The following PCDH15 variants were observed in gnomAD, a reference collection of about 807,000 sequenced individuals.
PCDH15 encodes protocadherin related 15.
A neutral mutation model predicts 178.5 loss-of-function variants in PCDH15; 129 were observed. That is an observed-to-expected ratio of 0.72 (90% CI 0.63 to 0.84). The LOEUF is 0.84. Among genes scored for constraint, PCDH15 ranks in the 40% least tolerant of loss-of-function variants. The pLI is 0.00. For missense variants in PCDH15, 2,230 were observed against 2,099.9 expected, an observed-to-expected ratio of 1.06 and a Z score of -1.21; for synonymous variants, 800 against 732.0, an observed-to-expected ratio of 1.09 and a Z score of -1.50.
intron 2 of PCDH15, among the ~76,000 whole-genome samples, chr10:54,627,462 T>G (rs2134601506): frequency 6.6e-6 from 1 of 152,240 alleles, no homozygotes; most frequent in Non-Finnish European, 1.5e-5. Context: ...AAAATGGAAG[T>G]TTGCCTGCAC....
At chr10:54,924,977 T>C (rs541955174) in intron 2 of PCDH15, among the ~76,000 whole-genome samples, 15 of 152,320 alleles carry the variant, frequency 9.8e-5, no homozygotes, top group Middle Eastern at 3.4e-3. Context: ...TTTTTGCTTT[T>C]GTTGCAATTT....
rs71004486 is a variant in PCDH15 at position 53,878,181 on chromosome 10, G to GCACACACACACA, written c.3502-11336_3502-11325dup. Among the ~76,000 whole-genome samples, 480 of 124,906 alleles carry GCACACACACACA rather than the reference G, an allele frequency of 3.8e-3. 5 individuals are homozygous for GCACACACACACA. The highest frequency in any genetic ancestry group is 0.012 in the South Asian group (46 of 3,868). 81.9% of individuals were successfully genotyped at this position (124,906 alleles called of 152,430 possible). On this transcript the variant is annotated intron_variant, in intron 26 of 37. Transcript: ENST00000644397. ...ATGTTCACTTCTTGGCTATACTATG[G>GCACACACACACA]CACACACACACACACACACACACAC...
intron 2 of PCDH15, among the ~76,000 whole-genome samples, chr10:55,594,736 G>C (rs995156107): frequency 6.6e-6 from 1 of 152,066 alleles, no homozygotes; most frequent in East Asian, 1.9e-4. Flanking sequence ...TTTCATACTC[G>C]ATGTTGAAAT....
At chr10:54,959,777 T>A (rs189507993) in intron 2 of PCDH15, among the ~76,000 whole-genome samples, 1 of 152,086 alleles carries the variant, frequency 6.6e-6, no homozygotes, top group South Asian at 2.1e-4. Context: ...TAAAAATTAT[T>A]CTGTAGGAAA....
chr10:55,030,797 G>A (rs1022420982), intron 2 of PCDH15, among the ~76,000 whole-genome samples: 13 of 151,972 alleles, frequency 8.6e-5, no homozygotes, highest in African/African-American at 3.1e-4. Flanking sequence ...TCAAATGAAT[G>A]GATCAGAATA....
At chr10:55,363,125 A>G (rs756108152) in intron 2 of PCDH15, among the ~76,000 whole-genome samples, 6 of 152,202 alleles carry the variant, frequency 3.9e-5, no homozygotes, top group Non-Finnish European at 5.9e-5. Context: ...CATTTGAGAT[A>G]GACTTCGTTT....
At chr10:55,043,119 TTTTG>T (rs913677413) in intron 2 of PCDH15, among the ~76,000 whole-genome samples, 9 of 152,190 alleles carry the variant, frequency 5.9e-5, no homozygotes, top group East Asian at 1.9e-4. Flanking sequence ...TTTGTTTTCT[TTTTG>T]TTTGTTTGTT....
chr10:54,911,478 G>A (rs530347853), intron 2 of PCDH15, among the ~76,000 whole-genome samples: 1 of 152,262 alleles, frequency 6.6e-6, no homozygotes, highest in African/African-American at 2.4e-5. Context: ...TATATGATGG[G>A]TATAAAATAC....
chr10:54,811,334 G>A (rs1380166459), intron 3 of PCDH15, among the ~76,000 whole-genome samples: 1 of 152,200 alleles, frequency 6.6e-6, no homozygotes. Context: ...TGCGGTGTTT[G>A]ATATAGTTAA....
intron 2 of PCDH15, among the ~76,000 whole-genome samples, chr10:54,530,473 T>C (rs1458575485): frequency 6.6e-6 from 1 of 152,198 alleles, no homozygotes; most frequent in African/African-American, 2.4e-5. Flanking sequence ...CTTCAGACCA[T>C]GCCTGCATCA....
chr10:54,555,307 C>T (rs2087071612), intron 2 of PCDH15, among the ~76,000 whole-genome samples: 1 of 152,104 alleles, frequency 6.6e-6, no homozygotes, highest in Admixed American at 6.6e-5. Flanking sequence ...AGCTTTTGCC[C>T]TCAGATCTTT....
chr10:54,387,559 C>CCAAA (rs1228617952), intron 3 of PCDH15, among the ~76,000 whole-genome samples: 15 of 152,174 alleles, frequency 9.9e-5, no homozygotes, highest in African/African-American at 3.6e-4. Flanking sequence ...GTGTACTCTT[C>CCAAA]TGATCTGAAA....
chr10:54,364,170 C>A (rs929780501), intron 5 of PCDH15, among the ~76,000 whole-genome samples: 3 of 150,602 alleles, frequency 2.0e-5, no homozygotes, highest in Non-Finnish European at 4.4e-5. Context: ...CAAGATCGTG[C>A]CATTGCACTC....
intron 2 of PCDH15, among the ~76,000 whole-genome samples, chr10:55,454,560 G>A (rs1282739349): frequency 1.3e-5 from 2 of 151,234 alleles, no homozygotes; most frequent in East Asian, 2.0e-4. Flanking sequence ...GGCGGATCAT[G>A]AGATCAGGAG....
intron 2 of PCDH15, among the ~76,000 whole-genome samples, chr10:55,390,293 CT>C (rs369749514): frequency 2.0e-5 from 3 of 152,098 alleles, no homozygotes; most frequent in African/African-American, 7.2e-5. Context: ...GAATCCTAAT[CT>C]TTTTTGCTTG....
chr10:54,305,260 A>C (rs2060393940), intron 8 of PCDH15, among the ~76,000 whole-genome samples: 1 of 152,098 alleles, frequency 6.6e-6, no homozygotes, highest in African/African-American at 2.4e-5. Context: ...TGTAACATAA[A>C]TTTAGTTTTG....
intron 2 of PCDH15, among the ~76,000 whole-genome samples, chr10:54,618,893 T>C (rs2093269766): frequency 6.6e-6 from 1 of 151,782 alleles, no homozygotes; most frequent in Non-Finnish European, 1.5e-5. Context: ...TTATTCCATA[T>C]GGAAAAAAAA....
At position 54,977,225 on chromosome 10, in the gene PCDH15, C is replaced by T. The variant is rs568961016; in HGVS notation, c.-79-79725G>A. Among the ~76,000 whole-genome samples, 64 of 152,216 alleles carry T rather than the reference C, an allele frequency of 4.2e-4. 1 individual carries two copies. The highest frequency in any genetic ancestry group is 1.4e-3 in the African/African-American group (59 of 41,548). On this transcript the variant is annotated intron_variant, in intron 2 of 5. Transcript: ENST00000458638. ...AATGAGACTGACACTTGCTGGGCTGCATTCATAGGAGATTAGGCATTCTTA... is the reference window on the plus strand; with the variant it reads ...AATGAGACTGACACTTGCTGGGCTGTATTCATAGGAGATTAGGCATTCTTA...
intron 1 of PCDH15, among the ~76,000 whole-genome samples, chr10:55,225,108 C>T (rs1592001696): frequency 6.9e-6 from 1 of 145,828 alleles, no homozygotes; most frequent in African/African-American, 2.6e-5. Flanking sequence ...TGAGAAGAAA[C>T]TTTTTTTTTT....
Sources: gnomAD v4.1 joint callset for allele counts (sites outside exome capture counted in the v4.1 genomes callset) on GRCh38, gnomAD v4.1.1 for gene constraint, MANE v1.5 for transcripts, NCBI Gene and HGNC (gene_info 2026-07-23, HGNC 2026-07-21) for gene names.